Variants in UNC45B observed in about 807,000 individuals in gnomAD.
UNC45B encodes protein unc-45 homolog B.
A neutral mutation model predicts 98.7 loss-of-function variants in UNC45B; 78 were observed. The observed-to-expected ratio is 0.79, with a 90% CI of 0.66 to 0.95. The LOEUF is 0.95. Among genes scored for constraint, UNC45B ranks in the 40% least tolerant of loss-of-function variants. The pLI is 0.00. For missense variants in UNC45B, 1,225 were observed against 1,184.9 expected, an observed-to-expected ratio of 1.03 and a Z score of -0.50; for synonymous variants, 462 against 480.4, an observed-to-expected ratio of 0.96 and a Z score of 0.50.
intron 18 of UNC45B, 56 bp downstream of exon 18, chr17:35,180,732 C>A: frequency 7.0e-7 from 1 of 1,426,382 alleles, no homozygotes; most frequent in Non-Finnish European, 9.8e-7. Flanking sequence ...GAGAGGCAGG[C>A]CAGGGTCAGG....
intron 13 of UNC45B, among the ~76,000 whole-genome samples, chr17:35,172,783 T>G (rs542949050): frequency 6.6e-6 from 1 of 152,310 alleles, no homozygotes; most frequent in Admixed American, 6.5e-5. Flanking sequence ...TGTCCTTTCC[T>G]GCCTATACCC....
rs774286051 is a variant in UNC45B at position 35,152,927 on chromosome 17, A to G, written c.416A>G (p.Gln139Arg). The G allele has an allele frequency of 3.7e-6, 6 of 1,614,040 alleles. No homozygotes were observed. The highest frequency in any genetic ancestry group is 1.7e-6 in the Non-Finnish European group (2 of 1,180,024). ...RVQFSTDSRV[Q>R]KMFEILLDEN... The stretch of plus-strand genomic sequence containing the variant: ...CAGTTCTCCACAGACTCGAGGGTAC[A>G]GAAGATGTTTGAGATCCTCTTGGAT... The change falls in exon 5 of 20, where the codon CAG becomes CGG. Residue 139 changes from glutamine to arginine, a missense_variant. Coordinates refer to ENST00000394570, the MANE Select transcript of UNC45B (RefSeq NM_001267052.2).
intron 9 of UNC45B, among the ~76,000 whole-genome samples, chr17:35,167,547 A>G (rs1021562530): frequency 6.6e-6 from 1 of 151,450 alleles, no homozygotes. Context: ...GCTTGAGCTT[A>G]GGGGTTTGAG....
At chr17:35,152,779 G>A (rs999421120) in intron 4 of UNC45B, 114 bp from the exon 5 acceptor site, 23 of 787,280 alleles carry the variant, frequency 2.9e-5, no homozygotes, top group Admixed American at 1.4e-4. Context: ...ATGAATGAAC[G>A]TATGTGCGGG....
At chr17:35,157,056 C>T (rs1346226695) in intron 7 of UNC45B, among the ~76,000 whole-genome samples, 1 of 151,180 alleles carries the variant, frequency 6.6e-6, no homozygotes, top group Admixed American at 6.6e-5. Flanking sequence ...GCCAAAGAGG[C>T]AGGTTCACTC....
intron 7 of UNC45B, among the ~76,000 whole-genome samples, chr17:35,156,669 A>G (rs192209681): frequency 2.0e-3 from 306 of 152,298 alleles, no homozygotes; most frequent in African/African-American, 6.8e-3. Context: ...AAATTTTACC[A>G]CAGCTTAAAA....
chr17:35,180,050 T>C (rs1463900972), intron 17 of UNC45B, among the ~76,000 whole-genome samples: 4 of 152,138 alleles, frequency 2.6e-5, no homozygotes, highest in African/African-American at 4.8e-5. Flanking sequence ...AAAGGAAATT[T>C]ATTGGCTCAT....
In UNC45B at chr17:35,164,158, A is replaced by G. The variant is rs746904732; in HGVS notation, c.1143A>G (p.Glu381=). The change falls in exon 9 of 20, where the codon GAA becomes GAG. Residue 381 remains glutamate (E), a synonymous_variant. Coordinates refer to ENST00000394570, the MANE Select transcript of UNC45B (RefSeq NM_001267052.2). ...ATCACTTCCGCAAGATCTGTGAGGA[A>G]TATATCACGTAAGTTTCCTGGAGGC... ...ERDHFRKICE[E]YITGKFDPQD... is the part of the protein sequence containing the mutation. 3.7e-5 allele frequency: 60 copies of G among 1,609,094 alleles called. No homozygotes were observed. Among genetic ancestry groups the G allele is most frequent in the Non-Finnish European group, 4.6e-5 (54 of 1,177,820 alleles).
chr17:35,159,784 G>T (rs1376461853), intron 8 of UNC45B, among the ~76,000 whole-genome samples: 1 of 152,218 alleles, frequency 6.6e-6, no homozygotes. Flanking sequence ...AAACATGTGG[G>T]TGAAGCAACC....
rs1480372310 is a variant in UNC45B at position 35,154,644 on chromosome 17, T to G, written c.542T>G (p.Val181Gly). 1.2e-6 allele frequency: 2 copies of G among 1,613,292 alleles called. No homozygotes were observed. The highest frequency in any genetic ancestry group is 1.7e-5 in the Admixed American group (1 of 59,856). ...GAGAAGATCTTCCAGAACAATGGAG[T>G]AGCCTTGCTACTGCAGCTTCTGGAC... ...GAEKIFQNNGVALLLQLLDTK... is the reference protein window; with the variant it reads ...GAEKIFQNNGGALLLQLLDTK... The change falls in exon 6 of 20, where the codon GTA becomes GGA. Residue 181 changes from valine (V) to glycine (G), a missense_variant. By Grantham distance (109) the Val-to-Gly change is moderately radical. Transcript: ENST00000394570.
At chr17:35,167,928 T>C in intron 9 of UNC45B, 133 bp from the exon 10 acceptor site, 1 of 769,846 alleles carries the variant, frequency 1.3e-6, no homozygotes, top group Non-Finnish European at 1.8e-6. Flanking sequence ...AGAGGTTCGC[T>C]GAATTGCCCA....
chr17:35,161,502 G>A (rs2092102278), intron 8 of UNC45B, among the ~76,000 whole-genome samples: 1 of 152,000 alleles, frequency 6.6e-6, no homozygotes, highest in Admixed American at 6.6e-5. Flanking sequence ...ATTGGAGAGG[G>A]GCATTTGAGG....
chr17:35,168,463 C>A, intron 10 of UNC45B, 102 bp downstream of exon 10: 1 of 1,076,144 alleles, frequency 9.3e-7, no homozygotes, highest in South Asian at 4.2e-5. Context: ...TTGAGGAGAC[C>A]AGGTTCAAGG....
intron 13 of UNC45B, among the ~76,000 whole-genome samples, chr17:35,172,318 C>T (rs911693020): frequency 7.9e-5 from 12 of 151,074 alleles, no homozygotes; most frequent in Admixed American, 2.6e-4. Flanking sequence ...GGTGAGATCT[C>T]GGCTCAATGC....
intron 17 of UNC45B, 30 bp from the exon 18 acceptor site, chr17:35,180,529 G>A (rs764074423): frequency 1.3e-6 from 2 of 1,584,302 alleles, no homozygotes; most frequent in South Asian, 1.1e-5. Context: ...AAGACTCAAG[G>A]GTCTTTCTTC....
rs998868585 is a variant in UNC45B, at chr17:35,188,785, T to G, written c.*2226T>G. On this transcript the variant is annotated 3_prime_UTR_variant, in exon 20 of 20. Transcript: ENST00000394570. ...CTTCATCTGATTTTTGCCACTGGGC[T>G]GCCTCCCATTGTCTGGCTAAGTCTT... 6.6e-6 allele frequency: 1 copy of G among 152,262 alleles called. No homozygotes were observed. Among genetic ancestry groups the G allele is most frequent in the African/African-American group, 2.4e-5 (1 of 41,472 alleles). The allele number at this position is 152,262 out of a possible 1,614,324, so 9.4% of individuals were successfully genotyped here. A position where few individuals can be genotyped will look rare whatever the true frequency, so the allele number is the denominator to read the frequency against.
chr17:35,155,237 G>C, intron 6 of UNC45B, 59 bp from the exon 7 acceptor site: 8 of 1,589,712 alleles, frequency 5.0e-6, no homozygotes, highest in Non-Finnish European at 6.9e-6. Flanking sequence ...TCTCTAACCT[G>C]CATGGCAGCT....
intron 17 of UNC45B, among the ~76,000 whole-genome samples, chr17:35,179,544 ATATGCACCATGGAATAC>A (rs2092259533): frequency 6.6e-6 from 1 of 152,242 alleles, no homozygotes; most frequent in African/African-American, 2.4e-5. Context: ...AATGTGACAC[ATATGCACCATGGAATAC>A]TATGCAGCCA....
chr17:35,171,524 GA>G, intron 13 of UNC45B, 62 bp downstream of exon 13: 3 of 1,576,940 alleles, frequency 1.9e-6, no homozygotes, highest in Non-Finnish European at 2.6e-6. Flanking sequence ...AAAGGAGGCG[GA>G]ACGGCAAAAG....
Sources: gnomAD v4.1 joint callset for allele counts (sites outside exome capture counted in the v4.1 genomes callset) on GRCh38, gnomAD v4.1.1 for gene constraint, MANE v1.5 for transcripts, NCBI Gene and HGNC (gene_info 2026-07-23, HGNC 2026-07-21) for gene names.